Variants in TNK1 observed in about 807,000 individuals in gnomAD.
TNK1 encodes tyrosine kinase non receptor 1, also known as non-receptor tyrosine-protein kinase TNK1.
Under a neutral mutation model 65.2 loss-of-function variants are expected in TNK1, and 53 were observed. The observed-to-expected ratio is 0.81, with a 90% CI of 0.65 to 1.02. TNK1 has a LOEUF of 1.02. TNK1 is among the 50% of genes least tolerant of loss of function. The pLI, the probability that TNK1 is intolerant of heterozygous loss-of-function variation, is 0.00. For synonymous variants in TNK1, 353 were observed against 364.6 expected, an observed-to-expected ratio of 0.97 and a Z score of 0.36; for missense variants, 837 against 878.4, an observed-to-expected ratio of 0.95 and a Z score of 0.60.
chr17:7,384,563 A>G lies in TNK1; in HGVS notation c.946A>G (p.Met316Val). Residue 316 changes from methionine (M) to valine (V), a missense_variant, in exon 7 of 13, where the codon ATG (methionine) becomes GTG (valine). Transcript: ENST00000688331. ...GATGTTTGGGGTGACGCTGTGGGAG[A>G]TGTTCTCCGGGGGCGAGGAACCCTG... ...VWMFGVTLWE[M>V]FSGGEEPWAG... 1 of 1,611,084 alleles carries G rather than the reference A, an allele frequency of 6.2e-7. No individual in the cohort carries two copies. Among genetic ancestry groups the G allele is most frequent in the Non-Finnish European group, 8.5e-7 (1 of 1,178,536 alleles).
In TNK1 at chr17:7,387,102, G is replaced by C; in HGVS notation, c.1345G>C (p.Val449Leu). The C allele has an allele frequency of 1.9e-6, 3 of 1,610,792 alleles. No individual in the cohort carries two copies. Among genetic ancestry groups the C allele is most frequent in the Non-Finnish European group, 2.5e-6 (3 of 1,178,172 alleles). Reference sequence around the variant, plus strand: ...GGGGGGCTTGCCAGCCACCCGTCCAGTCCACAGAGGCACCCCTGCCCGGGG... The same window carrying C: ...GGGGGGCTTGCCAGCCACCCGTCCACTCCACAGAGGCACCCCTGCCCGGGG... ...DAGGLPATRP[V>L]HRGTPARGDQ... Residue 449 changes from valine to leucine, a missense_variant, in exon 9 of 13, where the codon GTC becomes CTC. By Grantham distance (32) the Val-to-Leu change is conservative (BLOSUM62 1). Coordinates refer to ENST00000688331, the MANE Select transcript of TNK1 (RefSeq NM_003985.6).
chr17:7,388,225 A>G lies in TNK1; in HGVS notation c.1478-181A>G, dbSNP rs1382465320. On this transcript the variant is annotated intron_variant, in intron 10 of 12. Transcript: ENST00000688331. This position sits in a 1 kb window ranked among gnomAD's most constrained non-coding sequence, Gnocchi z 4.5. ...TGGATGGCTTGAGTCCAGGAGTTTG[A>G]GACCAGCCTGGGCAATGTGCCGAAA... is the stretch of plus-strand genomic sequence containing the variant. Among the ~76,000 whole-genome samples, 1 of 152,218 alleles carries G rather than the reference A, an allele frequency of 6.6e-6. No homozygotes were observed. Among genetic ancestry groups the G allele is most frequent in the Admixed American group, 6.5e-5 (1 of 15,274 alleles).
upstream of TNK1, among the ~76,000 whole-genome samples, chr17:7,380,080 C>A (rs1181033298): frequency 2.0e-5 from 3 of 152,164 alleles, no homozygotes; most frequent in Non-Finnish European, 4.4e-5. Context: ...CCTGCTCACA[C>A]TTTCCCTTAC....
At position 7,382,943 on chromosome 17, in the gene TNK1, G is replaced by C; in HGVS notation, c.17G>C (p.Gly6Ala). MLPEA[G>A]SLWLLKLLRD... ...TCTCCAGACATGCTTCCTGAGGCTG[G>C]CTCCCTGTGGCTACTGAAGCTGCTC... Residue 6 changes from glycine (G) to alanine (A), a missense_variant, in exon 2 of 13, where the codon GGC becomes GCC. Transcript: ENST00000688331. The surrounding 1 kb of genome is among the most constrained non-coding windows in gnomAD (Gnocchi z 4.1). 6.2e-7 allele frequency: 1 copy of C among 1,613,942 alleles called. No individual in the cohort carries two copies. Among genetic ancestry groups the C allele is most frequent in the Non-Finnish European group, 8.5e-7 (1 of 1,179,866 alleles).
Position 7,382,781 on chromosome 17 carries a change from G to A in TNK1, c.-91-55G>A. On this transcript the variant is annotated intron_variant, in intron 1 of 12. Coordinates refer to ENST00000688331, the MANE Select transcript of TNK1 (RefSeq NM_003985.6). This position sits in a 1 kb window ranked among gnomAD's most constrained non-coding sequence, Gnocchi z 4.1. The stretch of plus-strand genomic sequence containing the variant: ...TGTGTGCGTGAGTGGCAGGGATCCT[G>A]GCTGTCTCTGCTGTGTCCCTGCCTC... The A allele has an allele frequency of 1.2e-6, 1 of 829,166 alleles. No individual in the cohort carries two copies. The highest frequency in any genetic ancestry group is 1.8e-6 in the Non-Finnish European group (1 of 541,736). The allele number at this position is 829,166 out of a possible 1,614,324, so 51.4% of individuals were successfully genotyped here.
At chr17:7,386,395 T>A (rs569068033) in intron 7 of TNK1, among the ~76,000 whole-genome samples, 166 bp from the exon 8 acceptor site, 1 of 152,186 alleles carries the variant, frequency 6.6e-6, no homozygotes, top group South Asian at 2.1e-4. Flanking sequence ...TGTCATGGGA[T>A]CCAGGTCTGC....
intron 7 of TNK1, 93 bp from the exon 8 acceptor site, chr17:7,386,468 C>A: frequency 2.0e-6 from 2 of 981,788 alleles, no homozygotes; most frequent in South Asian, 1.4e-5. Flanking sequence ...GCACAGACTA[C>A]ATACAGAGCG....
intron 7 of TNK1, among the ~76,000 whole-genome samples, chr17:7,385,355 A>G (rs1196265693): frequency 4.2e-5 from 5 of 120,376 alleles, no homozygotes; most frequent in African/African-American, 1.4e-4. Flanking sequence ...AAAAGAGCGA[A>G]CTCCGTCTCA....
chr17:7,385,822 C>T (rs1905156353), intron 7 of TNK1, among the ~76,000 whole-genome samples: 1 of 152,180 alleles, frequency 6.6e-6, no homozygotes, highest in African/African-American at 2.4e-5. Flanking sequence ...GCCTTGGCCT[C>T]CCAAAGTGTT....
Position 7,383,704 on chromosome 17 carries a change from T to C in TNK1, c.427-5T>C. ...ATGCCTAAAGGCGCTTCCCCCCACC[T>C]CCAGGTCCCAGTGGCTGTCAAGTCC... On this transcript the variant is annotated splice_polypyrimidine_tract_variant and splice_region_variant and intron_variant, in intron 4 of 12. Coordinates refer to ENST00000688331, the MANE Select transcript of TNK1 (RefSeq NM_003985.6). 6.2e-7 allele frequency: 1 copy of C among 1,611,460 alleles called. No individual in the cohort carries two copies. The highest frequency in any genetic ancestry group is 2.2e-5 in the East Asian group (1 of 44,788).
At chr17:7,387,287 G>A in intron 9 of TNK1, 91 bp from the exon 10 acceptor site, 1 of 1,520,188 alleles carries the variant, frequency 6.6e-7, no homozygotes, top group Non-Finnish European at 8.9e-7. Context: ...TGGGTCTCCT[G>A]GGTTCCCCTG....
chr17:7,384,732 A>C lies in TNK1; in HGVS notation c.1115A>C (p.His372Pro). 6.3e-7 allele frequency: 1 copy of C among 1,581,470 alleles called. No homozygotes were observed. Among genetic ancestry groups the C allele is most frequent in the East Asian group, 2.3e-5 (1 of 43,208 alleles). Residue 372 changes from histidine (H) to proline (P), a missense_variant, in exon 7 of 13, where the codon CAC becomes CCC. By Grantham distance (77) the His-to-Pro change is moderately conservative (BLOSUM62 -2). Coordinates refer to ENST00000688331, the MANE Select transcript of TNK1 (RefSeq NM_003985.6). ...CCTGCCGACCGGCCTAGCTTTTCCC[A>C]CCTGGAGGGGCTGCTGCAAGAGGTG... ...PHPADRPSFS[H>P]LEGLLQEAGP...
chr17:7,384,350 C>A, intron 6 of TNK1, 97 bp downstream of exon 6: 1 of 1,433,510 alleles, frequency 7.0e-7, no homozygotes, highest in Non-Finnish European at 9.1e-7. Flanking sequence ...CTGAGGGAGG[C>A]TTGGACCAGA....
upstream of TNK1, among the ~76,000 whole-genome samples, chr17:7,380,198 T>C (rs1174015604): frequency 6.6e-6 from 1 of 152,142 alleles, no homozygotes; most frequent in Non-Finnish European, 1.5e-5. Flanking sequence ...CCTACATGTT[T>C]ACCAAGACCA....
intron 6 of TNK1, 58 bp from the exon 7 acceptor site, chr17:7,384,426 A>G: frequency 6.8e-7 from 1 of 1,461,572 alleles, no homozygotes; most frequent in African/African-American, 1.4e-5. Context: ...TGCTCCGTGG[A>G]GGGTGGGCCT....
chr17:7,383,600 T>C lies in TNK1; in HGVS notation c.410T>C (p.Leu137Pro). ...FGVVHRGLWT[L>P]PSGKSVPVAV... is the part of the protein sequence containing the mutation. Reference sequence around the variant, plus strand: ...GTGGTGCACCGAGGGCTGTGGACGCTGCCCAGTGGCAAGAGTGTGAGTGTC... The same window carrying C: ...GTGGTGCACCGAGGGCTGTGGACGCCGCCCAGTGGCAAGAGTGTGAGTGTC... The change falls in exon 4 of 13, where the codon CTG (leucine) becomes CCG (proline). Residue 137 changes from leucine (L) to proline (P), a missense_variant. Transcript: ENST00000688331. 6.2e-7 allele frequency: 1 copy of C among 1,602,796 alleles called. No individual in the cohort carries two copies. Among genetic ancestry groups the C allele is most frequent in the Non-Finnish European group, 8.5e-7 (1 of 1,173,250 alleles).
At chr17:7,385,289 T>C (rs1185065730) in intron 7 of TNK1, among the ~76,000 whole-genome samples, 2 of 148,234 alleles carry the variant, frequency 1.3e-5, no homozygotes, top group Non-Finnish European at 3.0e-5. Context: ...CGCTTGAACC[T>C]GGGAGGCAGA....
chr17:7,388,621 A>G lies in TNK1; in HGVS notation c.1693A>G (p.Met565Val). ...PKRKPPHNHP[M>V]GMPGARKAAA... ...AAGAAAACCCCCACACAATCACCCC[A>G]TGGGAATGCCTGGAGCCCGTAAAGC... Residue 565 changes from methionine (M) to valine (V), a missense_variant, in exon 11 of 13, where the codon ATG becomes GTG. By Grantham distance (21) the Met-to-Val change is conservative (BLOSUM62 1). Transcript: ENST00000688331. This position sits in a 1 kb window ranked among gnomAD's most constrained non-coding sequence, Gnocchi z 4.5. 6.2e-7 allele frequency: 1 copy of G among 1,613,762 alleles called. No homozygotes were observed. The highest frequency in any genetic ancestry group is 8.5e-7 in the Non-Finnish European group (1 of 1,179,822).
At chr17:7,385,219 G>T (rs1205243837) in intron 7 of TNK1, among the ~76,000 whole-genome samples, 1 of 152,016 alleles carries the variant, frequency 6.6e-6, no homozygotes, top group African/African-American at 2.4e-5. Flanking sequence ...TACAAAATTA[G>T]CTGGGTCTGG....
Sources: gnomAD v4.1 joint callset for allele counts (sites outside exome capture counted in the v4.1 genomes callset) on GRCh38, gnomAD v4.1.1 for gene constraint, Gnocchi (gnomAD v3.1) non-coding constraint, MANE v1.5 for transcripts, NCBI Gene and HGNC (gene_info 2026-07-23, HGNC 2026-07-21) for gene names.